EBF3: variants seen among roughly 807,000 people sequenced by gnomAD.
The protein encoded by EBF3 is transcription factor COE3.
In EBF3, 18 loss-of-function variants were observed where a neutral mutation model predicts 77.1. The ratio of observed to expected loss-of-function variants is 0.23; its 90% CI spans 0.16 to 0.35. The LOEUF (loss-of-function observed/expected upper bound fraction) is 0.35. Among genes scored for constraint, EBF3 ranks in the 10% least tolerant of loss-of-function variants. The probability of loss-of-function intolerance (pLI) is 1.00; values close to 1 mark genes in which losing one functional copy is unlikely to be tolerated. For missense variants in EBF3, 558 were observed against 860.0 expected (o/e 0.65, Z 4.39); for synonymous variants, 350 against 343.5 (o/e 1.02, Z -0.21).
At chr10:129,867,711 CT>C in intron 9 of EBF3, 70 bp downstream of exon 9, 1 of 1,592,088 alleles carries the variant, frequency 6.3e-7, no homozygotes, top group East Asian at 2.2e-5. Context: ...TGTCAATACA[CT>C]ATTGACAGCT....
intron 11 of EBF3, chr10:129,845,820 T>C (rs1164420382): frequency 6.6e-6 from 1 of 151,958 alleles, no homozygotes; most frequent in African/African-American, 2.4e-5. Flanking sequence ...TCAGATGAAA[T>C]GCATGCAATT....
chr10:129,852,739 CA>C (rs1850981233), intron 10 of EBF3, among the ~76,000 whole-genome samples: 1 of 152,190 alleles, frequency 6.6e-6, no homozygotes, highest in Non-Finnish European at 1.5e-5. Context: ...GATTGGAAAA[CA>C]TACACGTTTG....
At position 129,963,058 on chromosome 10, in the gene EBF3, C is replaced by G; in HGVS notation, c.292-53G>C. 1 of 1,609,294 alleles carries G rather than the reference C, an allele frequency of 6.2e-7. No homozygotes were observed. Among genetic ancestry groups the G allele is most frequent in the Non-Finnish European group, 8.5e-7 (1 of 1,175,834 alleles). On this transcript the variant is annotated intron_variant, in intron 2 of 16. Coordinates refer to ENST00000440978, the MANE Select transcript of EBF3 (RefSeq NM_001375380.1). The surrounding 1 kb of genome is among the most constrained non-coding windows in gnomAD (Gnocchi z 7.1). Reference sequence around the variant, plus strand: ...TAGTGCGATCGGTGTCAGGCGCGGCCACCACGCTCGGTCCCCCTCCGCGAC... The same window carrying G: ...TAGTGCGATCGGTGTCAGGCGCGGCGACCACGCTCGGTCCCCCTCCGCGAC...
rs558774815 is a variant in EBF3 at position 129,897,830 on chromosome 10, G to A, written c.555-19981C>T. On this transcript the variant is annotated intron_variant, in intron 6 of 16. Transcript: ENST00000440978. The surrounding 1 kb of genome is among the most constrained non-coding windows in gnomAD (Gnocchi z 4.6). ...GCCACTTGTGGGTATGCGAGTACAT[G>A]GCGGCCAGAGGCAGATATCATTGAA... Among the ~76,000 whole-genome samples the A allele has an allele frequency of 6.6e-6, 1 of 152,316 alleles. No homozygotes were observed. The highest frequency in any genetic ancestry group is 2.1e-4 in the South Asian group (1 of 4,814).
rs768977402 is a variant in EBF3 at position 129,920,725 on chromosome 10, C to T, written c.554+36533G>A. Among the ~76,000 whole-genome samples the T allele has an allele frequency of 2.0e-5, 3 of 152,222 alleles. No individual in the cohort carries two copies. The East Asian group carries it at 5.8e-4, about 29-fold the overall frequency. On this transcript the variant is annotated intron_variant, in intron 6 of 16. Transcript: ENST00000440978. ...ACATCTCACATGAAAGTTGTGGCCC[C>T]GCACTCTGTGTGTGGCAGCAGGTGC...
At position 129,842,971 on chromosome 10, in the gene EBF3, A is replaced by AGGGC. The variant is rs1850192464; in HGVS notation, c.1194+165_1194+166insGCCC. Among the ~76,000 whole-genome samples the AGGGC allele has an allele frequency of 2.6e-5, 4 of 151,986 alleles. No individual in the cohort carries two copies. Among genetic ancestry groups the AGGGC allele is most frequent in the Non-Finnish European group, 4.4e-5 (3 of 67,990 alleles). ...GACACCAACTCATCATTTCTACGTG[A>AGGGC]ACCTAGCGTGAGGGCAAGGATGGGA... On this transcript the variant is annotated intron_variant, in intron 12 of 16. Transcript: ENST00000440978. This position sits in a 1 kb window ranked among gnomAD's most constrained non-coding sequence, Gnocchi z 4.4.
chr10:129,894,140 G>A (rs1854209168), intron 6 of EBF3, among the ~76,000 whole-genome samples: 1 of 152,166 alleles, frequency 6.6e-6, no homozygotes, highest in Non-Finnish European at 1.5e-5. Flanking sequence ...ATAGACGTGG[G>A]CTGGCTTAAA....
intron 6 of EBF3, among the ~76,000 whole-genome samples, chr10:129,913,652 G>A (rs181731143): frequency 2.0e-5 from 3 of 152,356 alleles, no homozygotes; most frequent in Admixed American, 2.0e-4. Flanking sequence ...CAAGATACAA[G>A]CCAGAGGAGA....
At chr10:129,888,976 G>A (rs753766602) in intron 6 of EBF3, among the ~76,000 whole-genome samples, 7 of 152,204 alleles carry the variant, frequency 4.6e-5, no homozygotes, top group Non-Finnish European at 7.3e-5. Context: ...GGCCAGAGGC[G>A]TGACAGCAGA....
At chr10:129,948,258 T>TC (rs200155651) in intron 6 of EBF3, among the ~76,000 whole-genome samples, 5,523 of 32,092 alleles carry the variant, frequency 0.17, 997 homozygotes, top group African/African-American at 0.23. Context: ...AAACTCCGTC[T>TC]CAAAAAAAAA....
chr10:129,958,148 C>T (rs1859179947), intron 5 of EBF3, among the ~76,000 whole-genome samples: 1 of 152,206 alleles, frequency 6.6e-6, no homozygotes, highest in Non-Finnish European at 1.5e-5. Flanking sequence ...GAGAAAAAGT[C>T]AGCTTTTGTA....
rs7895906 is a variant in EBF3, at chr10:129,843,042, C to G, written c.1194+95G>C. ...CCTGTGGAGTCGCTGGAAAAGCATGCTTATGTCCAGAAAGCCCACACTGGA... is the reference window on the plus strand; with the variant it reads ...CCTGTGGAGTCGCTGGAAAAGCATGGTTATGTCCAGAAAGCCCACACTGGA... On this transcript the variant is annotated intron_variant, in intron 12 of 16. Transcript: ENST00000440978. 1.1e-3 allele frequency: 1,324 copies of G among 1,252,162 alleles called. 6 individuals carry two copies. In the African/African-American group the frequency reaches 0.017, roughly 16 times the overall value. The allele number at this position is 1,252,162 out of a possible 1,614,324, so 77.6% of individuals were successfully genotyped here.
chr10:129,911,401 G>A (rs895515027), intron 6 of EBF3, among the ~76,000 whole-genome samples: 2 of 152,312 alleles, frequency 1.3e-5, no homozygotes, highest in Admixed American at 1.3e-4. Context: ...TCTAGACCCT[G>A]TCCTGGCTCC....
At chr10:129,925,591 C>CAAAAAAAAAA (rs11368338) in intron 6 of EBF3, among the ~76,000 whole-genome samples, 1 of 114,580 alleles carries the variant, frequency 8.7e-6, no homozygotes, top group Non-Finnish European at 1.8e-5. Context: ...GACTCCATCT[C>CAAAAAAAAAA]AAAAAAAAAA....
intron 6 of EBF3, among the ~76,000 whole-genome samples, chr10:129,949,769 C>A (rs1039307140): frequency 2.6e-5 from 4 of 152,022 alleles, no homozygotes; most frequent in African/African-American, 7.2e-5. Flanking sequence ...TTAGAGAAAG[C>A]GGGAGGGGGT....
chr10:129,956,990 T>C (rs1415009113), intron 6 of EBF3, among the ~76,000 whole-genome samples: 2 of 152,226 alleles, frequency 1.3e-5, no homozygotes, highest in African/African-American at 2.4e-5. Flanking sequence ...TCTCTAGGCA[T>C]AAAGTGCTCC....
intron 6 of EBF3, among the ~76,000 whole-genome samples, chr10:129,955,072 C>T (rs771487725): frequency 1.5e-4 from 23 of 152,146 alleles, no homozygotes; most frequent in Middle Eastern, 6.8e-3. Context: ...ATTTTTTTCA[C>T]GTAGAAATAT....
At chr10:129,955,607 T>C (rs561420350) in intron 6 of EBF3, among the ~76,000 whole-genome samples, 1 of 152,194 alleles carries the variant, frequency 6.6e-6, no homozygotes, top group Non-Finnish European at 1.5e-5. Context: ...TGATGAACAC[T>C]GAGTATTAAA....
intron 6 of EBF3, among the ~76,000 whole-genome samples, chr10:129,905,417 T>C (rs1855073099): frequency 6.7e-6 from 1 of 149,608 alleles, no homozygotes; most frequent in Admixed American, 6.6e-5. Flanking sequence ...AATTCTTTCT[T>C]ATATTTTATA....
Sources: gnomAD v4.1 joint callset for allele counts (sites outside exome capture counted in the v4.1 genomes callset) on GRCh38, gnomAD v4.1.1 for gene constraint, Gnocchi (gnomAD v3.1) non-coding constraint, MANE v1.5 for transcripts, NCBI Gene and HGNC (gene_info 2026-07-23, HGNC 2026-07-21) for gene names.